The following RNF111 variants were observed in gnomAD, a reference collection of about 807,000 sequenced individuals.
The protein encoded by RNF111 is E3 ubiquitin-protein ligase Arkadia.
Under a neutral mutation model 95.1 loss-of-function variants are expected in RNF111, and 17 were observed. That is an observed-to-expected ratio of 0.18 (90% confidence interval 0.12 to 0.27). RNF111 has a LOEUF of 0.27. RNF111 is among the 10% of genes least tolerant of loss of function. RNF111 has a pLI of 1.00. For missense variants in RNF111, 1,189 were observed against 1,210.4 expected, an observed-to-expected ratio of 0.98 and a Z score of 0.26; for synonymous variants, 440 against 414.8, an observed-to-expected ratio of 1.06 and a Z score of -0.74.
chr15:59,074,521 C>T (rs1229621429), intron 6 of RNF111, among the ~76,000 whole-genome samples: 1 of 152,216 alleles, frequency 6.6e-6, no homozygotes, highest in Admixed American at 6.5e-5. Flanking sequence ...GAACTAACCT[C>T]TGCTATCTTC....
chr15:59,088,867 T>C (rs1471579490), intron 10 of RNF111, among the ~76,000 whole-genome samples: 1 of 152,208 alleles, frequency 6.6e-6, no homozygotes, highest in Non-Finnish European at 1.5e-5. Context: ...ATAAGGTGTA[T>C]GACAGCCTTC....
At chr15:59,084,885 C>A (rs1038506561) in intron 9 of RNF111, among the ~76,000 whole-genome samples, 1 of 151,960 alleles carries the variant, frequency 6.6e-6, no homozygotes. Context: ...TCCTGTTCTT[C>A]AGGGTTACTA....
chr15:59,031,377 T>C lies in RNF111; in HGVS notation c.555T>C (p.Pro185=), dbSNP rs1182912853. 1.4e-5 allele frequency: 23 copies of C among 1,614,052 alleles called. No homozygotes were observed. Among genetic ancestry groups the C allele is most frequent in the Non-Finnish European group, 1.9e-5 (23 of 1,180,030 alleles). The change falls in exon 2 of 14, where the codon CCT becomes CCC. Residue 185 remains proline (P), a synonymous_variant. Coordinates refer to ENST00000348370, the MANE Select transcript of RNF111 (RefSeq NM_017610.8). ...ATAGTGCACGGTCTCATAAGTGGCC[T>C]CGGACTGAGACAGAATCTGTATCGG... ...RSHSARSHKW[P]RTETESVSGL... is the part of the protein sequence containing the mutation.
At position 59,095,601 on chromosome 15, in the gene RNF111, C is replaced by G. The variant is rs1596324967; in HGVS notation, c.*701C>G. 6.3e-6 allele frequency: 1 copy of G among 157,856 alleles called. No individual in the cohort carries two copies. The highest frequency in any genetic ancestry group is 1.4e-5 in the Non-Finnish European group (1 of 71,832). 9.8% of individuals were successfully genotyped at this position (157,856 alleles called of 1,614,324 possible). On this transcript the variant is annotated 3_prime_UTR_variant, in exon 14 of 14. Transcript: ENST00000348370. ...GATATCATACATTTAGACTGCTGTT[C>G]TGATTGCATTTATCTTTTTCCTACA... is the stretch of plus-strand genomic sequence containing the variant.
intron 4 of RNF111, among the ~76,000 whole-genome samples, chr15:59,056,984 C>T (rs1489598788): frequency 3.3e-5 from 5 of 152,128 alleles, no homozygotes; most frequent in African/African-American, 4.8e-5. Context: ...TAGATGCTCC[C>T]TTTCCCCCCA....
chr15:59,007,549 C>A (rs1324720463), intron 1 of RNF111, among the ~76,000 whole-genome samples: 1 of 152,106 alleles, frequency 6.6e-6, no homozygotes, highest in South Asian at 2.1e-4. Context: ...TTTGTATTCA[C>A]GTTTTCCAAC....
chr15:59,044,564 G>A (rs1412914499), intron 2 of RNF111, among the ~76,000 whole-genome samples: 1 of 151,938 alleles, frequency 6.6e-6, no homozygotes, highest in African/African-American at 2.4e-5. Flanking sequence ...GGTAGCCAGA[G>A]AAATATGTTA....
intron 5 of RNF111, 60 bp from the exon 6 acceptor site, chr15:59,066,703 AT>A: frequency 4.5e-6 from 6 of 1,342,454 alleles, no homozygotes; most frequent in Non-Finnish European, 6.3e-6. Flanking sequence ...CCCCATACCT[AT>A]TTTTTTACAC....
At chr15:59,001,081 A>G (rs541519676) in intron 1 of RNF111, among the ~76,000 whole-genome samples, 1 of 152,290 alleles carries the variant, frequency 6.6e-6, no homozygotes, top group South Asian at 2.1e-4. Context: ...TGGATAAGGA[A>G]ACATTTGAAC....
At chr15:58,990,379 G>A (rs567169325) in intron 1 of RNF111, among the ~76,000 whole-genome samples, 45 of 152,304 alleles carry the variant, frequency 3.0e-4, no homozygotes, top group East Asian at 9.6e-4. Context: ...GAAGCTGTGG[G>A]CCAGGCGTGG....
At chr15:59,039,612 C>G (rs966590777) in intron 2 of RNF111, among the ~76,000 whole-genome samples, 16 of 152,260 alleles carry the variant, frequency 1.1e-4, no homozygotes, top group African/African-American at 3.6e-4. Context: ...TTGATGCCAT[C>G]CTAGTAGTCG....
chr15:59,014,662 G>T (rs2039983768), intron 1 of RNF111, among the ~76,000 whole-genome samples: 1 of 152,046 alleles, frequency 6.6e-6, no homozygotes. Flanking sequence ...AAGAAAAAAT[G>T]ATCTCTCTTT....
chr15:59,061,774 A>T (rs772923180), intron 5 of RNF111, among the ~76,000 whole-genome samples: 2 of 152,162 alleles, frequency 1.3e-5, no homozygotes, highest in Non-Finnish European at 2.9e-5. Context: ...TAGTACATGC[A>T]CATGTACACT....
intron 8 of RNF111, among the ~76,000 whole-genome samples, chr15:59,082,712 G>T (rs1223021256): frequency 6.6e-6 from 1 of 152,116 alleles, no homozygotes; most frequent in Non-Finnish European, 1.5e-5. Flanking sequence ...CTGTAGAGCT[G>T]AAAAAATTTC....
At chr15:59,056,422 T>A (rs1453238158) in intron 4 of RNF111, among the ~76,000 whole-genome samples, 1 of 152,204 alleles carries the variant, frequency 6.6e-6, no homozygotes, top group Non-Finnish European at 1.5e-5. Context: ...TGAATACATA[T>A]GTGAATTTGC....
intron 1 of RNF111, 59 bp downstream of exon 1, chr15:58,988,127 A>C (rs1157638433): frequency 1.8e-4 from 10 of 56,486 alleles, no homozygotes; most frequent in South Asian, 1.3e-3. Flanking sequence ...GCAACGGGGG[A>C]GGGGCCGGCC....
intron 1 of RNF111, among the ~76,000 whole-genome samples, chr15:59,007,655 A>G (rs2039602938): frequency 6.6e-6 from 1 of 152,146 alleles, no homozygotes. Flanking sequence ...CAGTTGTGGA[A>G]TATCCTTGCC....
At chr15:59,088,810 T>C (rs1227794856) in intron 10 of RNF111, among the ~76,000 whole-genome samples, 2 of 152,210 alleles carry the variant, frequency 1.3e-5, no homozygotes, top group Non-Finnish European at 2.9e-5. Flanking sequence ...ATTGAACTCA[T>C]AGCCAACAAC....
chr15:59,085,830 C>A lies in RNF111; in HGVS notation c.2550+45C>A, dbSNP rs199581700. 7.1e-6 allele frequency: 11 copies of A among 1,543,558 alleles called. No homozygotes were observed. In the African/African-American group the frequency reaches 9.6e-5, roughly 13 times the overall value. On this transcript the variant is annotated intron_variant, in intron 10 of 13. Coordinates refer to ENST00000348370, the MANE Select transcript of RNF111 (RefSeq NM_017610.8). ...AAATTTTGACATGTTCTAAAAGTTC[C>A]TTTTCTAAGTATTTTATTGGAAATA...
Sources: allele counts gnomAD v4.1 joint callset (sites outside exome capture counted in the v4.1 genomes callset), GRCh38; gene constraint gnomAD v4.1.1; transcripts MANE v1.5; gene names NCBI Gene and HGNC (gene_info 2026-07-23, HGNC 2026-07-21).